LINGO2: variants seen among roughly 807,000 people sequenced by gnomAD.
LINGO2 encodes leucine-rich repeat and immunoglobulin-like domain-containing nogo receptor-interacting protein 2.
Under a neutral mutation model 30.6 loss-of-function variants are expected in LINGO2, and 14 were observed. That is an observed-to-expected ratio of 0.46 (90% CI 0.30 to 0.72). The LOEUF is 0.72. Ranked by LOEUF, LINGO2 falls within the 30% of genes least tolerant of loss-of-function variation. LINGO2 has a pLI of 0.07. For synonymous variants in LINGO2, 317 were observed against 288.5 expected (o/e 1.10, Z -1.00); for missense variants, 729 against 751.7 (o/e 0.97, Z 0.35).
the LINGO2 span, among the ~76,000 whole-genome samples, chr9:29,006,420 A>G: frequency 6.5e-3 from 981 of 152,080 alleles, 13 homozygotes; most frequent in African/African-American, 0.023. Flanking sequence ...TAATTCATGC[A>G]TCTCTTTAAT....
At chr9:28,352,633 C>A (rs1819952766) in intron 3 of LINGO2, among the ~76,000 whole-genome samples, 1 of 133,086 alleles carries the variant, frequency 7.5e-6, no homozygotes. Flanking sequence ...ACTTTCTTCA[C>A]AGAATTGGAA....
chr9:28,509,141 T>G (rs779029070), intron 1 of LINGO2, among the ~76,000 whole-genome samples: 2 of 152,182 alleles, frequency 1.3e-5, no homozygotes, highest in Non-Finnish European at 2.9e-5. Context: ...CCCTAGTTAT[T>G]TTTTAACTTT....
At chr9:28,355,608 C>T (rs900848222) in intron 3 of LINGO2, among the ~76,000 whole-genome samples, 4 of 152,062 alleles carry the variant, frequency 2.6e-5, no homozygotes, top group African/African-American at 9.7e-5. Flanking sequence ...TCCTTTCTCA[C>T]TTCACAGGTG....
rs146998119 is a variant in LINGO2 at position 28,478,180 on chromosome 9, T to G, written c.-364-2155A>C. Among the ~76,000 whole-genome samples the G allele has an allele frequency of 6.6e-5, 10 of 152,298 alleles. No homozygotes were observed. In the East Asian group the frequency reaches 1.5e-3, roughly 23 times the overall value. On this transcript the variant is annotated intron_variant, in intron 1 of 5. Transcript: ENST00000379992. ...ATAGCGCTGAAGTAAGCTTGTGCAATGAGGCATCAGAGTGATTATTTCAGG... is the reference window on the plus strand; with the variant it reads ...ATAGCGCTGAAGTAAGCTTGTGCAAGGAGGCATCAGAGTGATTATTTCAGG...
At chr9:28,332,488 T>C (rs1198184474) in intron 3 of LINGO2, among the ~76,000 whole-genome samples, 1 of 151,974 alleles carries the variant, frequency 6.6e-6, no homozygotes, top group Non-Finnish European at 1.5e-5. Context: ...TATTTTGTGG[T>C]GAAAATTTCT....
the LINGO2 span, among the ~76,000 whole-genome samples, chr9:29,095,335 G>A: frequency 7.3e-6 from 1 of 137,820 alleles, no homozygotes; most frequent in Admixed American, 7.5e-5. Context: ...TTCTCAAAAG[G>A]AAAAATAATC....
At chr9:28,710,596 G>A in the LINGO2 span, among the ~76,000 whole-genome samples, 1 of 151,966 alleles carries the variant, frequency 6.6e-6, no homozygotes, top group African/African-American at 2.4e-5. Context: ...GGGGTTAATA[G>A]AAAAATCTAC....
intron 2 of LINGO2, among the ~76,000 whole-genome samples, chr9:28,469,972 T>C (rs1337479105): frequency 6.6e-6 from 1 of 152,182 alleles, no homozygotes; most frequent in African/African-American, 2.4e-5. Flanking sequence ...TTTTATTTTC[T>C]ACAGGATTTT....
intron 4 of LINGO2, among the ~76,000 whole-genome samples, chr9:28,132,054 T>C (rs1437273849): frequency 6.6e-6 from 1 of 152,188 alleles, no homozygotes; most frequent in Non-Finnish European, 1.5e-5. Flanking sequence ...ATCTCTTTCT[T>C]TGTAAAAGTA....
In LINGO2 at chr9:28,329,554, G is replaced by C. The variant is rs1319175776; in HGVS notation, c.-245-34188C>G. Among the ~76,000 whole-genome samples the C allele has an allele frequency of 1.3e-5, 2 of 152,206 alleles. No homozygotes were observed. Among genetic ancestry groups the C allele is most frequent in the East Asian group, 3.9e-4 (2 of 5,162 alleles). On this transcript the variant is annotated intron_variant, in intron 3 of 5. Coordinates refer to ENST00000379992, the Ensembl canonical transcript of LINGO2. This position sits in a 1 kb window ranked among gnomAD's most constrained non-coding sequence, Gnocchi z 4.5. ...AACATGCATGTTCAGACTTGTTTGAGCCAGGGCTTCGGTTCAAGCCAGGAT... is the reference window on the plus strand; with the variant it reads ...AACATGCATGTTCAGACTTGTTTGACCCAGGGCTTCGGTTCAAGCCAGGAT...
At chr9:28,549,049 T>A (rs1012640855) in intron 1 of LINGO2, among the ~76,000 whole-genome samples, 15 of 152,070 alleles carry the variant, frequency 9.9e-5, no homozygotes, top group African/African-American at 3.1e-4. Context: ...TTAACCTGTA[T>A]ACAGTTCTTT....
chr9:28,274,563 C>A (rs1390416639), intron 4 of LINGO2, among the ~76,000 whole-genome samples: 1 of 152,120 alleles, frequency 6.6e-6, no homozygotes. Context: ...ATTTATCTAT[C>A]AATTATTTCA....
At chr9:29,008,488 T>A in the LINGO2 span, among the ~76,000 whole-genome samples, 3 of 152,296 alleles carry the variant, frequency 2.0e-5, no homozygotes, top group Non-Finnish European at 1.5e-5. Context: ...TCTAGATCCT[T>A]GAGGAATCAC....
the LINGO2 span, among the ~76,000 whole-genome samples, chr9:28,888,034 G>A: frequency 1.3e-5 from 2 of 152,064 alleles, no homozygotes; most frequent in African/African-American, 2.4e-5. Flanking sequence ...AAAACACTGA[G>A]AGGAACTTTA....
At chr9:28,564,181 T>C (rs1823246373) in intron 1 of LINGO2, among the ~76,000 whole-genome samples, 1 of 152,118 alleles carries the variant, frequency 6.6e-6, no homozygotes, top group Non-Finnish European at 1.5e-5. Flanking sequence ...CTTTTGCTGA[T>C]TTAATATCAT....
At chr9:28,524,194 G>C (rs1347866099) in intron 1 of LINGO2, among the ~76,000 whole-genome samples, 1 of 152,084 alleles carries the variant, frequency 6.6e-6, no homozygotes, top group Non-Finnish European at 1.5e-5. Context: ...TTAACCTTTA[G>C]TACTAGAACA....
intron 2 of LINGO2, among the ~76,000 whole-genome samples, chr9:28,377,864 G>A (rs547391594): frequency 6.6e-5 from 10 of 151,994 alleles, no homozygotes; most frequent in Non-Finnish European, 1.5e-4. Flanking sequence ...AACAATTTAC[G>A]GTCCAGTAAA....
At chr9:27,947,436 T>A (rs1024902427), downstream of LINGO2, among the ~76,000 whole-genome samples, 3 of 152,210 alleles carry the variant, frequency 2.0e-5, no homozygotes, top group African/African-American at 7.2e-5. Context: ...ACCTTGCTTT[T>A]TCCTCAGTGG....
chr9:28,977,015 A>G, the LINGO2 span, among the ~76,000 whole-genome samples: 2 of 152,152 alleles, frequency 1.3e-5, no homozygotes, highest in Non-Finnish European at 2.9e-5. Flanking sequence ...TTATAAATGT[A>G]AAAAATAAGC....
Sources: gnomAD v4.1 joint callset for allele counts (sites outside exome capture counted in the v4.1 genomes callset) on GRCh38, gnomAD v4.1.1 for gene constraint, Gnocchi (gnomAD v3.1) non-coding constraint, MANE v1.5 for transcripts, NCBI Gene and HGNC (gene_info 2026-07-23, HGNC 2026-07-21) for gene names.